Variants in ZNF227 observed in about 807,000 individuals in gnomAD.
ZNF227 encodes the protein zinc finger protein 227.
Under a neutral mutation model 13.2 loss-of-function variants are expected in ZNF227, and 12 were observed. The ratio of observed to expected loss-of-function variants is 0.91; its 90% confidence interval spans 0.58 to 1.47. The LOEUF is 1.47. Among genes scored for constraint, ZNF227 ranks in the 40% most tolerant of loss-of-function variants. The probability of loss-of-function intolerance (pLI) is 0.00; values close to 1 mark genes in which losing one functional copy is unlikely to be tolerated. For missense variants in ZNF227, 885 were observed against 967.5 expected (o/e 0.91, Z 1.13); for synonymous variants, 338 against 326.0 (o/e 1.04, Z -0.40).
chr19:44,217,436 C>T, intron 2 of ZNF227: 1 of 502,174 alleles, frequency 2.0e-6, no homozygotes. Context: ...AAGTGAGGCA[C>T]AGAGAGGGTT....
At chr19:44,210,373 A>C (rs1252593972), upstream of ZNF227, among the ~76,000 whole-genome samples, 4 of 152,192 alleles carry the variant, frequency 2.6e-5, no homozygotes, top group African/African-American at 9.6e-5. Flanking sequence ...GTATTTATTC[A>C]TTTGTACTTG....
chr19:44,224,767 AT>A (rs1972920516), intron 3 of ZNF227, among the ~76,000 whole-genome samples: 1 of 152,182 alleles, frequency 6.6e-6, no homozygotes, highest in African/African-American at 2.4e-5. Flanking sequence ...GCCCATTTAC[AT>A]TTAAAGTTAA....
intron 4 of ZNF227, 32 bp downstream of exon 4, chr19:44,228,604 C>T: frequency 6.3e-7 from 1 of 1,576,464 alleles, no homozygotes; most frequent in Non-Finnish European, 8.6e-7. Flanking sequence ...CCCTGAACTT[C>T]AGTTCCCTTG....
At chr19:44,217,965 GTGGTA>G in intron 3 of ZNF227, 113 bp downstream of exon 3, 1 of 1,187,786 alleles carries the variant, frequency 8.4e-7, no homozygotes, top group South Asian at 1.3e-5. Flanking sequence ...TTCAGGACAT[GTGGTA>G]TGCTGACATG....
At chr19:44,223,854 G>A (rs1474272714) in intron 3 of ZNF227, among the ~76,000 whole-genome samples, 1 of 152,002 alleles carries the variant, frequency 6.6e-6, no homozygotes, top group African/African-American at 2.4e-5. Context: ...TAATTGTGAT[G>A]TTAGGGTGTC....
chr19:44,217,482 C>G, intron 2 of ZNF227: 2 of 571,296 alleles, frequency 3.5e-6, no homozygotes. Flanking sequence ...TGGTAAGTAT[C>G]ATTTCTAGGA....
chr19:44,230,845 G>C (rs1436830042), intron 5 of ZNF227, among the ~76,000 whole-genome samples: 3 of 145,076 alleles, frequency 2.1e-5, no homozygotes, highest in Non-Finnish European at 3.0e-5. Context: ...GCTGAAGTGA[G>C]AGGATCACTT....
At chr19:44,214,499 C>T (rs550477889) in intron 2 of ZNF227, among the ~76,000 whole-genome samples, 3 of 152,116 alleles carry the variant, frequency 2.0e-5, no homozygotes, top group South Asian at 4.1e-4. Context: ...CTGCATCAAG[C>T]TCCCGAGTAA....
At chr19:44,233,768 C>T (rs747361172) in intron 5 of ZNF227, among the ~76,000 whole-genome samples, 1 of 152,048 alleles carries the variant, frequency 6.6e-6, no homozygotes, top group Non-Finnish European at 1.5e-5. Context: ...TAGTGGCATG[C>T]GCCAGTAATC....
chr19:44,227,250 A>G (rs1230702711), intron 3 of ZNF227: 1 of 152,012 alleles, frequency 6.6e-6, no homozygotes, highest in Non-Finnish European at 1.5e-5. Flanking sequence ...AATTCTAAAA[A>G]TTTATTTATT....
chr19:44,215,771 T>C (rs1176886303), intron 2 of ZNF227, among the ~76,000 whole-genome samples: 1 of 152,074 alleles, frequency 6.6e-6, no homozygotes, highest in Non-Finnish European at 1.5e-5. Context: ...GTGGATCACC[T>C]GAAGTCAGGA....
At chr19:44,223,333 G>C (rs1421045502) in intron 3 of ZNF227, among the ~76,000 whole-genome samples, 1 of 152,204 alleles carries the variant, frequency 6.6e-6, no homozygotes, top group Admixed American at 6.5e-5. Context: ...AGTTTCAGAA[G>C]GAATGGTACC....
intron 3 of ZNF227, among the ~76,000 whole-genome samples, chr19:44,224,528 CTTT>C (rs553309063): frequency 5.1e-4 from 78 of 152,302 alleles, no homozygotes; most frequent in African/African-American, 1.7e-3. Flanking sequence ...TAATGGCCTT[CTTT>C]GTCTCTTTTG....
intron 3 of ZNF227, among the ~76,000 whole-genome samples, chr19:44,225,247 TGGAGTTGCTCTTCTCGA>T (rs1428328855): frequency 6.6e-6 from 1 of 151,894 alleles, no homozygotes; most frequent in Non-Finnish European, 1.5e-5. Flanking sequence ...TTATGTGTCT[TGGAGTTGCTCTTCTCGA>T]GGAGTATCTT....
intron 3 of ZNF227, among the ~76,000 whole-genome samples, chr19:44,220,178 G>A (rs1193073680): frequency 6.6e-6 from 1 of 151,986 alleles, no homozygotes; most frequent in African/African-American, 2.4e-5. Context: ...TCCATCTATC[G>A]TTGTTGGACA....
At chr19:44,234,564 G>A (rs558094385) in intron 5 of ZNF227, 138 bp from the exon 6 acceptor site, 41 of 754,220 alleles carry the variant, frequency 5.4e-5, no homozygotes, top group South Asian at 6.0e-5. Context: ...AAGAATACAC[G>A]ATGCTGTAAG....
chr19:44,233,413 A>AATGCATT (rs1174582989), intron 5 of ZNF227, among the ~76,000 whole-genome samples: 5 of 152,268 alleles, frequency 3.3e-5, no homozygotes, highest in African/African-American at 1.2e-4. Flanking sequence ...ATGGTGCACT[A>AATGCATT]ATGCATTGCA....
rs527991366 is a variant in ZNF227 at position 44,230,175 on chromosome 19, C to T, written c.271+359C>T. Among the ~76,000 whole-genome samples the T allele has an allele frequency of 3.4e-4, 52 of 152,158 alleles. 1 individual carries two copies. The South Asian group carries it at 0.01, about 30-fold the overall frequency. On this transcript the variant is annotated intron_variant, in intron 5 of 5. Transcript: ENST00000313040. Reference sequence around the variant, plus strand: ...GGACTATAGGTATATATCATGATACCTGGCTAATTTTTTATTTTTTGTAGA... The same window carrying T: ...GGACTATAGGTATATATCATGATACTTGGCTAATTTTTTATTTTTTGTAGA...
upstream of ZNF227, among the ~76,000 whole-genome samples, chr19:44,210,762 A>G (rs906994276): frequency 6.6e-6 from 1 of 152,220 alleles, no homozygotes; most frequent in African/African-American, 2.4e-5. Flanking sequence ...TTGTTAAAGC[A>G]TTTGAACCTT....
Sources: gnomAD v4.1 joint callset for allele counts (sites outside exome capture counted in the v4.1 genomes callset) on GRCh38, gnomAD v4.1.1 for gene constraint, MANE v1.5 for transcripts, NCBI Gene and HGNC (gene_info 2026-07-23, HGNC 2026-07-21) for gene names.